Variants in PPP1R12B observed in about 807,000 individuals in gnomAD.
PPP1R12B encodes protein phosphatase 1 regulatory subunit 12B, also known as myosin phosphatase target subunit 2.
Under a neutral mutation model 126.1 loss-of-function variants are expected in PPP1R12B, and 76 were observed. That is an observed-to-expected ratio of 0.60 (90% CI 0.50 to 0.73). PPP1R12B has a LOEUF of 0.73. Ranked by LOEUF, PPP1R12B falls within the 30% of genes least tolerant of loss-of-function variation. The pLI, the probability that PPP1R12B is intolerant of heterozygous loss-of-function variation, is 0.00. For missense variants in PPP1R12B, 1,052 were observed against 1,205.1 expected (o/e 0.87, Z 1.88); for synonymous variants, 356 against 434.7 (o/e 0.82, Z 2.25).
At chr1:202,375,190 T>C (rs532562405) in intron 1 of PPP1R12B, among the ~76,000 whole-genome samples, 6 of 152,250 alleles carry the variant, frequency 3.9e-5, no homozygotes, top group African/African-American at 1.4e-4. Context: ...GTGATCTGCC[T>C]GCCTCGGCCT....
chr1:202,482,174 C>T lies in PPP1R12B; in HGVS notation c.1851-6359C>T, dbSNP rs371067808. On this transcript the variant is annotated intron_variant, in intron 13 of 23. Coordinates refer to ENST00000608999, the MANE Select transcript of PPP1R12B (RefSeq NM_002481.4). ...GGACTCAGTTTCATATTTTTGTTAA[C>T]GTAAATAGTGCTGCCATAAACACGG... Among the ~76,000 whole-genome samples the T allele has an allele frequency of 6.4e-4, 97 of 152,096 alleles. No homozygotes were observed. In the South Asian group the frequency reaches 0.012, roughly 18 times the overall value.
intron 1 of PPP1R12B, among the ~76,000 whole-genome samples, chr1:202,390,524 G>A (rs1419000465): frequency 1.3e-5 from 2 of 152,066 alleles, no homozygotes; most frequent in African/African-American, 4.8e-5. Context: ...TAAGAGGAAG[G>A]GTCTCACTCT....
chr1:202,529,572 A>G (rs1683716415), intron 18 of PPP1R12B, among the ~76,000 whole-genome samples: 1 of 152,206 alleles, frequency 6.6e-6, no homozygotes, highest in Admixed American at 6.5e-5. Context: ...TCTAAAGAAA[A>G]CTAACAAAAT....
At position 202,435,754 on chromosome 1, in the gene PPP1R12B, C is replaced by A. The variant is rs375178928; in HGVS notation, c.1254+986C>A. Among the ~76,000 whole-genome samples, 5 of 152,270 alleles carry A rather than the reference C, an allele frequency of 3.3e-5. No homozygotes were observed. In the East Asian group the frequency reaches 7.7e-4, roughly 23 times the overall value. ...TATGAACTTAATGATCTTCTTAGCACTTCATGAATTGGAAAGATGGGCTTG... is the reference window on the plus strand; with the variant it reads ...TATGAACTTAATGATCTTCTTAGCAATTCATGAATTGGAAAGATGGGCTTG... On this transcript the variant is annotated intron_variant, in intron 9 of 23. Coordinates refer to ENST00000608999, the MANE Select transcript of PPP1R12B (RefSeq NM_002481.4).
chr1:202,514,898 C>T (rs1681932772), intron 18 of PPP1R12B, among the ~76,000 whole-genome samples: 1 of 152,170 alleles, frequency 6.6e-6, no homozygotes, highest in South Asian at 2.1e-4. Flanking sequence ...AACCTAAATG[C>T]CCATCAGTGA....
In PPP1R12B at chr1:202,384,363, T is replaced by G. The variant is rs547421416; in HGVS notation, c.292-32424T>G. Among the ~76,000 whole-genome samples, 349 of 152,356 alleles carry G rather than the reference T, an allele frequency of 2.3e-3. 1 individual carries two copies. The highest frequency in any genetic ancestry group is 3.8e-3 in the Non-Finnish European group (258 of 68,026). On this transcript the variant is annotated intron_variant, in intron 1 of 23. Transcript: ENST00000608999. ...GTATAGCTATAAAATGAAATATTATTCAGCCATAAAAAGGAATTGAAGTAC... is the reference window on the plus strand; with the variant it reads ...GTATAGCTATAAAATGAAATATTATGCAGCCATAAAAAGGAATTGAAGTAC...
chr1:202,349,420 C>T (rs537617692), intron 1 of PPP1R12B, among the ~76,000 whole-genome samples: 1 of 152,276 alleles, frequency 6.6e-6, no homozygotes, highest in African/African-American at 2.4e-5. Flanking sequence ...ATTTTTGTCC[C>T]TGGTCTTATC....
intron 18 of PPP1R12B, among the ~76,000 whole-genome samples, chr1:202,551,820 G>A (rs899722394): frequency 6.6e-6 from 1 of 152,138 alleles, no homozygotes; most frequent in Non-Finnish European, 1.5e-5. Flanking sequence ...AATCAGAAGG[G>A]CCATGTGAAA....
intron 1 of PPP1R12B, among the ~76,000 whole-genome samples, chr1:202,398,917 A>G (rs1282490127): frequency 6.6e-6 from 1 of 152,174 alleles, no homozygotes; most frequent in Non-Finnish European, 1.5e-5. Context: ...TGCTATGTAC[A>G]TTGTTATATT....
intron 15 of PPP1R12B, among the ~76,000 whole-genome samples, chr1:202,493,781 A>G (rs1358022054): frequency 6.6e-6 from 1 of 152,222 alleles, no homozygotes; most frequent in Non-Finnish European, 1.5e-5. Context: ...CCCATTTCAC[A>G]TAGCCAAGAA....
chr1:202,517,462 A>T (rs1160422919), intron 18 of PPP1R12B, among the ~76,000 whole-genome samples: 1 of 152,126 alleles, frequency 6.6e-6, no homozygotes, highest in Non-Finnish European at 1.5e-5. Context: ...TCCTAAAAAT[A>T]TTGGGGCTTT....
chr1:202,468,321 T>A (rs529759014), intron 13 of PPP1R12B, among the ~76,000 whole-genome samples: 7 of 152,304 alleles, frequency 4.6e-5, no homozygotes, highest in East Asian at 3.9e-4. Flanking sequence ...CTGAATGGTA[T>A]TGCCTAGGTT....
At chr1:202,487,994 A>C (rs1408957846) in intron 13 of PPP1R12B, among the ~76,000 whole-genome samples, 2 of 152,244 alleles carry the variant, frequency 1.3e-5, no homozygotes, top group Non-Finnish European at 1.5e-5. Context: ...ACATATCTAC[A>C]CTGAAGTTTA....
chr1:202,371,623 C>G (rs1660271017), intron 1 of PPP1R12B, among the ~76,000 whole-genome samples: 1 of 151,978 alleles, frequency 6.6e-6, no homozygotes, highest in Admixed American at 6.6e-5. Context: ...ATATTTTACC[C>G]TGGTCTATGC....
chr1:202,389,958 T>C (rs1309021979), intron 1 of PPP1R12B, among the ~76,000 whole-genome samples: 4 of 148,990 alleles, frequency 2.7e-5, no homozygotes, highest in Non-Finnish European at 4.4e-5. Context: ...CCACATGGAA[T>C]TGCAAGGGAC....
intron 13 of PPP1R12B, among the ~76,000 whole-genome samples, chr1:202,457,995 C>G (rs931474823): frequency 6.6e-6 from 1 of 151,646 alleles, no homozygotes; most frequent in Non-Finnish European, 1.5e-5. Flanking sequence ...ATGGATTAAA[C>G]AAAATTAAAT....
chr1:202,497,803 C>T (rs904736402), intron 18 of PPP1R12B, among the ~76,000 whole-genome samples: 17 of 152,042 alleles, frequency 1.1e-4, no homozygotes, highest in African/African-American at 4.1e-4. Flanking sequence ...CGAGTGTGTG[C>T]CTGTGTGTAT....
chr1:202,528,825 C>T (rs966189809), intron 18 of PPP1R12B, among the ~76,000 whole-genome samples: 1 of 151,772 alleles, frequency 6.6e-6, no homozygotes, highest in Non-Finnish European at 1.5e-5. Context: ...ATAATGCTCT[C>T]CCTGTTTTTT....
intron 13 of PPP1R12B, among the ~76,000 whole-genome samples, chr1:202,469,943 A>G (rs1283054053): frequency 1.3e-5 from 2 of 152,186 alleles, no homozygotes; most frequent in Non-Finnish European, 2.9e-5. Context: ...AGGAGATTAC[A>G]TTTCTTATCT....
Sources: allele counts gnomAD v4.1 joint callset (sites outside exome capture counted in the v4.1 genomes callset), GRCh38; gene constraint gnomAD v4.1.1; transcripts MANE v1.5; gene names NCBI Gene and HGNC (gene_info 2026-07-23, HGNC 2026-07-21).